Variants in SMURF1 observed in about 807,000 individuals in gnomAD.
The protein encoded by SMURF1 is E3 ubiquitin-protein ligase SMURF1.
SMURF1 carries 44 observed loss-of-function variants against 98.0 expected under a neutral mutation model. That is an observed-to-expected ratio of 0.45 (90% CI 0.35 to 0.58). SMURF1 has a LOEUF of 0.58. Ranked by LOEUF, SMURF1 falls within the 20% of genes least tolerant of loss-of-function variation. The probability of loss-of-function intolerance (pLI) is 0.00; values close to 1 mark genes in which losing one functional copy is unlikely to be tolerated. For missense variants in SMURF1, 687 were observed against 938.4 expected, an observed-to-expected ratio of 0.73 and a Z score of 3.50; for synonymous variants, 396 against 374.9, an observed-to-expected ratio of 1.06 and a Z score of -0.65.
intron 1 of SMURF1, among the ~76,000 whole-genome samples, chr7:99,092,836 G>A (rs934519287): frequency 6.6e-6 from 1 of 152,088 alleles, no homozygotes; most frequent in Admixed American, 6.5e-5. Flanking sequence ...TTAATCAGTC[G>A]AAGACAATGT....
At chr7:99,101,006 A>T (rs770766329) in intron 1 of SMURF1, among the ~76,000 whole-genome samples, 3 of 152,216 alleles carry the variant, frequency 2.0e-5, no homozygotes, top group Non-Finnish European at 4.4e-5. Flanking sequence ...AAGGTGACCA[A>T]TTTTTAAATG....
At chr7:99,107,634 T>G (rs1337188884) in intron 1 of SMURF1, among the ~76,000 whole-genome samples, 1 of 152,206 alleles carries the variant, frequency 6.6e-6, no homozygotes, top group East Asian at 1.9e-4. Flanking sequence ...CCAGCCATTC[T>G]CACTGCAAAC....
intron 12 of SMURF1, among the ~76,000 whole-genome samples, chr7:99,041,141 C>T (rs1795364054): frequency 2.0e-5 from 3 of 152,212 alleles, no homozygotes; most frequent in Admixed American, 1.3e-4. Context: ...GTTGCTCACG[C>T]CTGTAATCTC....
intron 1 of SMURF1, among the ~76,000 whole-genome samples, chr7:99,138,488 A>G (rs1206587839): frequency 6.6e-6 from 1 of 152,244 alleles, no homozygotes; most frequent in Non-Finnish European, 1.5e-5. Context: ...TTTCCACACT[A>G]GAACCTGACA....
chr7:99,090,843 T>G (rs1043523702), intron 1 of SMURF1, among the ~76,000 whole-genome samples: 1 of 152,236 alleles, frequency 6.6e-6, no homozygotes, highest in Non-Finnish European at 1.5e-5. Flanking sequence ...AAGGTTATAA[T>G]GCAAACTCGG....
At chr7:99,087,593 G>A (rs771508689) in intron 1 of SMURF1, among the ~76,000 whole-genome samples, 5 of 152,202 alleles carry the variant, frequency 3.3e-5, no homozygotes, top group African/African-American at 1.2e-4. Context: ...ATAAAAGGTA[G>A]TGTCTGGGCA....
chr7:99,067,530 T>C (rs1343634684), intron 1 of SMURF1, among the ~76,000 whole-genome samples: 1 of 152,158 alleles, frequency 6.6e-6, no homozygotes, highest in Non-Finnish European at 1.5e-5. Flanking sequence ...GTTGGGAATA[T>C]GGCCAAAGCA....
At position 99,030,854 on chromosome 7, in the gene SMURF1, A is replaced by T. The variant is rs1016872574; in HGVS notation, c.2097-171T>A. 2.0e-5 allele frequency: 11 copies of T among 541,498 alleles called. No individual in the cohort carries two copies. In the Admixed American group the frequency reaches 2.4e-4, roughly 12 times the overall value. 33.5% of individuals were successfully genotyped at this position (541,498 alleles called of 1,614,324 possible). On this transcript the variant is annotated intron_variant, in intron 17 of 17. Coordinates refer to ENST00000361368, the MANE Select transcript of SMURF1 (RefSeq NM_181349.3). ...CTGTGTTTTTCTGCTTCTAATACAA[A>T]GATTTGTAATTTGTTTTTGCTTTTT...
intron 1 of SMURF1, among the ~76,000 whole-genome samples, chr7:99,128,670 T>C (rs866398478): frequency 3.3e-5 from 5 of 152,214 alleles, no homozygotes; most frequent in African/African-American, 1.2e-4. Context: ...AATATCAATA[T>C]TGTACTTTCT....
chr7:99,078,729 G>A (rs914234812), intron 1 of SMURF1, among the ~76,000 whole-genome samples: 4 of 152,242 alleles, frequency 2.6e-5, no homozygotes, highest in Non-Finnish European at 5.9e-5. Context: ...ACCCTTTTAT[G>A]AGAATCTAAT....
At chr7:99,073,921 T>G (rs190194620) in intron 1 of SMURF1, among the ~76,000 whole-genome samples, 121 of 152,346 alleles carry the variant, frequency 7.9e-4, no homozygotes, top group African/African-American at 2.8e-3. Context: ...ACTGTTTGAT[T>G]GTACTCAGTT....
intron 11 of SMURF1, chr7:99,045,496 A>C (rs1452421223): frequency 1.9e-6 from 1 of 527,752 alleles, no homozygotes; most frequent in Non-Finnish European, 3.4e-6. Flanking sequence ...AGGTTATGGC[A>C]AGAGGCTGGC....
At chr7:99,083,055 G>A (rs375756911) in intron 1 of SMURF1, among the ~76,000 whole-genome samples, 26 of 152,034 alleles carry the variant, frequency 1.7e-4, no homozygotes, top group African/African-American at 6.3e-4. Flanking sequence ...GTGGGGCGGG[G>A]ACAGGAAATA....
At chr7:99,076,826 C>T (rs576373851) in intron 1 of SMURF1, among the ~76,000 whole-genome samples, 3 of 138,346 alleles carry the variant, frequency 2.2e-5, no homozygotes, top group Non-Finnish European at 5.0e-5. Flanking sequence ...CATGTGTGCA[C>T]GTGTGCCCAT....
chr7:99,037,990 G>A (rs1379726671), intron 14 of SMURF1, among the ~76,000 whole-genome samples: 2 of 151,950 alleles, frequency 1.3e-5, no homozygotes, highest in South Asian at 2.1e-4. Flanking sequence ...TGCCTAGGCC[G>A]CAAGTGCCTA....
chr7:99,099,594 A>C (rs1221890688), intron 1 of SMURF1, among the ~76,000 whole-genome samples: 1 of 152,072 alleles, frequency 6.6e-6, no homozygotes, highest in African/African-American at 2.4e-5. Context: ...TTTGATCCCC[A>C]CTGTGGCAGC....
intron 1 of SMURF1, among the ~76,000 whole-genome samples, chr7:99,078,199 G>A (rs774176884): frequency 1.4e-4 from 22 of 151,916 alleles, no homozygotes; most frequent in Non-Finnish European, 2.8e-4. Flanking sequence ...CTACACGGGA[G>A]GCTGAGGCAG....
rs568380805 is a variant in SMURF1 at position 99,074,204 on chromosome 7, C to A, written c.56-12367G>T. ...ATCCTTTAGCAGGATAAGGTAATGA[C>A]CTGAAGGACGCATGAAGAAGGTGAC... On this transcript the variant is annotated intron_variant, in intron 1 of 17. Transcript: ENST00000361368. Among the ~76,000 whole-genome samples, 331 of 152,236 alleles carry A rather than the reference C, an allele frequency of 2.2e-3. 2 individuals carry two copies. Among genetic ancestry groups the A allele is most frequent in the Middle Eastern group, 3.4e-3 (1 of 294 alleles).
chr7:99,112,504 C>T (rs1422407968), intron 1 of SMURF1, among the ~76,000 whole-genome samples: 2 of 152,130 alleles, frequency 1.3e-5, no homozygotes, highest in Non-Finnish European at 2.9e-5. Context: ...TAACAAGCAG[C>T]AACAATCCAC....
Sources: gnomAD v4.1 joint callset for allele counts (sites outside exome capture counted in the v4.1 genomes callset) on GRCh38, gnomAD v4.1.1 for gene constraint, MANE v1.5 for transcripts, NCBI Gene and HGNC (gene_info 2026-07-23, HGNC 2026-07-21) for gene names.